Variants in SEMA3A observed in about 807,000 individuals in gnomAD.
The protein encoded by SEMA3A is semaphorin 3A, also known as semaphorin-3A.
Under a neutral mutation model 97.9 loss-of-function variants are expected in SEMA3A, and 29 were observed. The ratio of observed to expected loss-of-function variants is 0.30; its 90% CI spans 0.22 to 0.40. The LOEUF is 0.40. SEMA3A is among the 10% of genes least tolerant of loss of function. The pLI, the probability that SEMA3A is intolerant of heterozygous loss-of-function variation, is 1.00. For synonymous variants in SEMA3A, 321 were observed against 323.7 expected, an observed-to-expected ratio of 0.99 and a Z score of 0.09; for missense variants, 763 against 951.3, an observed-to-expected ratio of 0.80 and a Z score of 2.60.
chr7:83,973,877 T>TA (rs3839777), intron 15 of SEMA3A, among the ~76,000 whole-genome samples: 9 of 147,762 alleles, frequency 6.1e-5, no homozygotes, highest in East Asian at 4.1e-4. Flanking sequence ...ATGGTACAGT[T>TA]AAAAAAAAAT....
chr7:84,232,922 C>A (rs1225206693), intron 3 of SEMA3A, among the ~76,000 whole-genome samples: 1 of 151,942 alleles, frequency 6.6e-6, no homozygotes. Context: ...GGATAGCTTA[C>A]ATAGTGTTTG....
intron 1 of SEMA3A, among the ~76,000 whole-genome samples, chr7:84,173,071 T>C (rs1797442393): frequency 1.3e-5 from 2 of 152,168 alleles, no homozygotes; most frequent in Admixed American, 1.3e-4. Flanking sequence ...ATGACCATAT[T>C]TTCAGAGGAA....
intron 1 of SEMA3A, among the ~76,000 whole-genome samples, chr7:84,378,344 T>C: frequency 6.6e-6 from 1 of 151,868 alleles, no homozygotes; most frequent in East Asian, 1.9e-4. Flanking sequence ...ATAAAGAAAA[T>C]GTGGCACATA....
chr7:84,236,498 TTA>T (rs908012937), intron 3 of SEMA3A, among the ~76,000 whole-genome samples: 1 of 152,098 alleles, frequency 6.6e-6, no homozygotes, highest in African/African-American at 2.4e-5. Flanking sequence ...TACTAAAATA[TTA>T]GTTTGGCATT....
intron 1 of SEMA3A, among the ~76,000 whole-genome samples, chr7:84,470,675 A>G (rs1806124007): frequency 6.6e-6 from 1 of 152,094 alleles, no homozygotes; most frequent in Non-Finnish European, 1.5e-5. Context: ...AGGTTTATAC[A>G]CACAAATCCC....
chr7:84,116,678 TA>T (rs1269188206), intron 3 of SEMA3A, among the ~76,000 whole-genome samples: 1 of 152,046 alleles, frequency 6.6e-6, no homozygotes, highest in African/African-American at 2.4e-5. Flanking sequence ...CTTGGATACA[TA>T]AGGAGACATC....
chr7:84,064,023 G>C (rs866348526), intron 4 of SEMA3A, among the ~76,000 whole-genome samples: 1 of 151,916 alleles, frequency 6.6e-6, no homozygotes, highest in Non-Finnish European at 1.5e-5. Context: ...CAGAGAGAAA[G>C]GTCGGGTTAC....
chr7:84,362,567 T>G (rs996775198), intron 2 of SEMA3A, among the ~76,000 whole-genome samples: 2 of 151,992 alleles, frequency 1.3e-5, no homozygotes, highest in African/African-American at 4.8e-5. Context: ...CTTTGTAATC[T>G]TATCCTTCAA....
At chr7:84,156,792 A>C (rs1796859342) in intron 1 of SEMA3A, among the ~76,000 whole-genome samples, 1 of 152,148 alleles carries the variant, frequency 6.6e-6, no homozygotes. Context: ...CCTGACCCAT[A>C]AAATGTTAAT....
At chr7:84,357,782 T>C (rs908022514) in intron 2 of SEMA3A, among the ~76,000 whole-genome samples, 1 of 151,726 alleles carries the variant, frequency 6.6e-6, no homozygotes, top group Non-Finnish European at 1.5e-5. Context: ...TTTCTCCACA[T>C]CCTCTCCAGC....
At chr7:84,328,576 C>T (rs992330208) in intron 2 of SEMA3A, among the ~76,000 whole-genome samples, 1 of 152,010 alleles carries the variant, frequency 6.6e-6, no homozygotes, top group Admixed American at 6.6e-5. Flanking sequence ...GAGATAGACT[C>T]TTATGTACAT....
intron 15 of SEMA3A, among the ~76,000 whole-genome samples, chr7:83,973,206 G>A (rs1788989279): frequency 6.6e-6 from 1 of 152,112 alleles, no homozygotes; most frequent in African/African-American, 2.4e-5. Context: ...ATACCACCTT[G>A]TAGTTCAAGG....
chr7:84,330,395 GA>G (rs897912471), intron 2 of SEMA3A, among the ~76,000 whole-genome samples: 3 of 151,924 alleles, frequency 2.0e-5, no homozygotes, highest in African/African-American at 7.2e-5. Flanking sequence ...ATCAAACTTT[GA>G]AACAATTTTA....
Position 84,024,398 on chromosome 7 carries a change from T to C in SEMA3A, c.668-10047A>G, listed in dbSNP as rs1175514729. On this transcript the variant is annotated intron_variant, in intron 6 of 16. Coordinates refer to ENST00000265362, the MANE Select transcript of SEMA3A (RefSeq NM_006080.3). ...TCTACTAAAAATACAAAAAAAAAAT[T>C]AGACGAGTATGGTGGCACACACCTA... Among the ~76,000 whole-genome samples, 4 of 149,002 alleles carry C rather than the reference T, an allele frequency of 2.7e-5. No individual in the cohort carries two copies. The East Asian group carries it at 8.1e-4, about 30-fold the overall frequency.
At chr7:84,352,708 C>A (rs758885390) in intron 2 of SEMA3A, among the ~76,000 whole-genome samples, 2 of 151,734 alleles carry the variant, frequency 1.3e-5, no homozygotes, top group Non-Finnish European at 2.9e-5. Flanking sequence ...GATTATGTAA[C>A]ATGGATACAG....
chr7:84,277,006 T>C (rs1316741690), intron 3 of SEMA3A, among the ~76,000 whole-genome samples: 1 of 152,100 alleles, frequency 6.6e-6, no homozygotes, highest in African/African-American at 2.4e-5. Context: ...CAAGTCAAAT[T>C]TATGGCTTTA....
chr7:84,065,508 T>C (rs1385497411), intron 4 of SEMA3A, among the ~76,000 whole-genome samples: 1 of 150,108 alleles, frequency 6.7e-6, no homozygotes, highest in Non-Finnish European at 1.5e-5. Flanking sequence ...ATCAACAAAA[T>C]TGATAGACCG....
intron 6 of SEMA3A, among the ~76,000 whole-genome samples, chr7:84,042,708 C>A (rs987873862): frequency 1.3e-5 from 2 of 151,976 alleles, no homozygotes; most frequent in African/African-American, 4.8e-5. Flanking sequence ...TAAAGTGAAA[C>A]CCTGCCTCAT....
At chr7:84,283,175 T>C (rs1411991251) in intron 3 of SEMA3A, among the ~76,000 whole-genome samples, 3 of 152,054 alleles carry the variant, frequency 2.0e-5, no homozygotes, top group Non-Finnish European at 4.4e-5. Flanking sequence ...AAGCTTGGCT[T>C]CCAGACTTAC....
Sources: gnomAD v4.1 joint callset for allele counts (sites outside exome capture counted in the v4.1 genomes callset) on GRCh38, gnomAD v4.1.1 for gene constraint, MANE v1.5 for transcripts, NCBI Gene and HGNC (gene_info 2026-07-23, HGNC 2026-07-21) for gene names.